Variants in CDK17 observed in about 807,000 individuals in gnomAD.
CDK17 encodes cyclin-dependent kinase 17.
CDK17 carries 24 observed loss-of-function variants against 77.6 expected under a neutral mutation model. That is an observed-to-expected ratio of 0.31 (90% confidence interval 0.22 to 0.44). The LOEUF (loss-of-function observed/expected upper bound fraction) is 0.44. Among genes scored for constraint, CDK17 ranks in the 20% least tolerant of loss-of-function variants. CDK17 has a pLI of 1.00. For synonymous variants in CDK17, 203 were observed against 210.4 expected, an observed-to-expected ratio of 0.96 and a Z score of 0.30; for missense variants, 429 against 622.5, an observed-to-expected ratio of 0.69 and a Z score of 3.31.
chr12:96,294,452 G>A (rs12316006), intron 10 of CDK17, among the ~76,000 whole-genome samples: 13,032 of 151,588 alleles, frequency 0.086, 603 homozygotes, highest in Non-Finnish European at 0.1. Flanking sequence ...GCATGGTGGC[G>A]CATGCCTGTA....
chr12:96,287,886 A>G (rs184452442), intron 11 of CDK17, among the ~76,000 whole-genome samples: 24 of 152,336 alleles, frequency 1.6e-4, no homozygotes, highest in Non-Finnish European at 1.5e-5. Flanking sequence ...AACCTTAAAG[A>G]CATTATGCCA....
rs1192268286 is a variant in CDK17 at position 96,400,342 on chromosome 12, CGCGGCTCT to C, written c.-394_-387del. 7.8e-6 allele frequency: 3 copies of C among 386,998 alleles called. No individual in the cohort carries two copies. The highest frequency in any genetic ancestry group is 1.4e-5 in the Non-Finnish European group (3 of 218,850). The allele number at this position is 386,998 out of a possible 1,614,324, so 24.0% of individuals were successfully genotyped here. A position where few individuals can be genotyped will look rare whatever the true frequency, so the allele number is the denominator to read the frequency against. Reference sequence around the variant, plus strand: ...TCTGGCCGGGCGCTGGCTCCTTCTCCGCGGCTCTGCGGCGGCCCGCGGGGAGCTCAGGA... The same window carrying C: ...TCTGGCCGGGCGCTGGCTCCTTCTCCGCGGCGGCCCGCGGGGAGCTCAGGA... On this transcript the variant is annotated 5_prime_UTR_variant, in exon 1 of 17. Coordinates refer to ENST00000261211, the MANE Select transcript of CDK17 (RefSeq NM_002595.5).
At chr12:96,286,823 C>A in intron 11 of CDK17, 62 bp from the exon 12 acceptor site, 1 of 1,408,702 alleles carries the variant, frequency 7.1e-7, no homozygotes, top group South Asian at 1.2e-5. Flanking sequence ...GCACAAGAAT[C>A]TTTTCCTTAA....
chr12:96,307,990 G>A (rs1952598048), intron 5 of CDK17, among the ~76,000 whole-genome samples: 1 of 152,104 alleles, frequency 6.6e-6, no homozygotes, highest in South Asian at 2.1e-4. Context: ...ATATACTGGT[G>A]AATGTCAAAT....
At chr12:96,290,147 G>T (rs543718539) in intron 10 of CDK17, among the ~76,000 whole-genome samples, 96 of 152,306 alleles carry the variant, frequency 6.3e-4, no homozygotes, top group Non-Finnish European at 1.0e-3. Context: ...GGACAAGCTT[G>T]CTGTAAGTGA....
chr12:96,386,229 C>G (rs1177874183), intron 1 of CDK17, among the ~76,000 whole-genome samples: 1 of 152,178 alleles, frequency 6.6e-6, no homozygotes, highest in Non-Finnish European at 1.5e-5. Flanking sequence ...CACCTGGGCT[C>G]AGGTGATCTG....
chr12:96,374,815 C>T (rs1484289790), intron 1 of CDK17, among the ~76,000 whole-genome samples: 3 of 152,186 alleles, frequency 2.0e-5, no homozygotes, highest in African/African-American at 4.8e-5. Context: ...TGAAACAACA[C>T]AATGCTACAG....
chr12:96,395,960 G>A (rs1954161465), intron 1 of CDK17, among the ~76,000 whole-genome samples: 1 of 152,052 alleles, frequency 6.6e-6, no homozygotes, highest in East Asian at 1.9e-4. Flanking sequence ...CTCAATGTAT[G>A]GTATTTTGTT....
chr12:96,313,829 C>G (rs1952674136), intron 3 of CDK17, among the ~76,000 whole-genome samples: 1 of 152,090 alleles, frequency 6.6e-6, no homozygotes, highest in Admixed American at 6.6e-5. Flanking sequence ...AGATGCAGAG[C>G]TGGAATAGAC....
chr12:96,318,044 C>A (rs901624967), intron 3 of CDK17, among the ~76,000 whole-genome samples: 5 of 152,060 alleles, frequency 3.3e-5, no homozygotes, highest in African/African-American at 1.2e-4. Context: ...GTGCTGTATT[C>A]AGGAAACCCA....
chr12:96,306,647 G>C (rs1045165797), intron 5 of CDK17, among the ~76,000 whole-genome samples: 2 of 151,768 alleles, frequency 1.3e-5, no homozygotes, highest in Non-Finnish European at 2.9e-5. Flanking sequence ...TAAACCAAGG[G>C]TCCAGACTTC....
intron 2 of CDK17, among the ~76,000 whole-genome samples, chr12:96,328,646 T>A (rs904182980): frequency 5.3e-5 from 8 of 152,210 alleles, no homozygotes; most frequent in Non-Finnish European, 1.0e-4. Flanking sequence ...AAAGTTTGAG[T>A]AGAGGCAGAT....
chr12:96,389,729 C>G (rs933694159), intron 1 of CDK17, among the ~76,000 whole-genome samples: 1 of 152,026 alleles, frequency 6.6e-6, no homozygotes, highest in Non-Finnish European at 1.5e-5. Context: ...TGTCACACTT[C>G]AAACAAGACG....
chr12:96,280,567 G>A (rs1461076824), intron 16 of CDK17: 1 of 1,413,710 alleles, frequency 7.1e-7, no homozygotes, highest in East Asian at 2.5e-5. Flanking sequence ...AAAGGTCTTT[G>A]TGCCATCTGC....
chr12:96,363,789 G>C (rs1953537202), intron 1 of CDK17, among the ~76,000 whole-genome samples: 3 of 152,170 alleles, frequency 2.0e-5, no homozygotes, highest in African/African-American at 7.2e-5. Flanking sequence ...GGTGGAGGTT[G>C]CTGCGAGCTG....
intron 5 of CDK17, among the ~76,000 whole-genome samples, chr12:96,308,731 A>AATAATAAT (rs1952608712): frequency 5.3e-5 from 7 of 132,572 alleles, no homozygotes; most frequent in South Asian, 5.3e-4. Flanking sequence ...CCGTCTCCAA[A>AATAATAAT]AATAATAATA....
intron 1 of CDK17, among the ~76,000 whole-genome samples, chr12:96,389,509 A>AG (rs1954033648): frequency 6.6e-6 from 1 of 152,166 alleles, no homozygotes; most frequent in African/African-American, 2.4e-5. Context: ...TATCTGGAGA[A>AG]GGGAGGGATC....
At chr12:96,334,449 C>A (rs10777785) in intron 2 of CDK17, among the ~76,000 whole-genome samples, 90,244 of 151,902 alleles carry the variant, frequency 0.59, 27,239 homozygotes, top group East Asian at 0.85. Context: ...ATGCATTCTT[C>A]TTTAAGAACT....
At chr12:96,320,097 G>A (rs543212321) in intron 3 of CDK17, among the ~76,000 whole-genome samples, 82 of 152,290 alleles carry the variant, frequency 5.4e-4, no homozygotes, top group African/African-American at 1.9e-3. Flanking sequence ...CTTCAGCAAA[G>A]TCTCAGGATA....
Sources: allele counts gnomAD v4.1 joint callset (sites outside exome capture counted in the v4.1 genomes callset), GRCh38; gene constraint gnomAD v4.1.1; transcripts MANE v1.5; gene names NCBI Gene and HGNC (gene_info 2026-07-23, HGNC 2026-07-21).